Variants in GBF1 observed in about 807,000 individuals in gnomAD.
GBF1 encodes Golgi-specific brefeldin A-resistance guanine nucleotide exchange factor 1.
A neutral mutation model predicts 210.5 loss-of-function variants in GBF1; 114 were observed. The ratio of observed to expected loss-of-function variants is 0.54; its 90% CI spans 0.47 to 0.63. The LOEUF (loss-of-function observed/expected upper bound fraction) is 0.63. Ranked by LOEUF, GBF1 falls within the 30% of genes least tolerant of loss-of-function variation. GBF1 has a pLI of 0.00. For missense variants in GBF1, 1,851 were observed against 2,357.7 expected (o/e 0.79, Z 4.45); for synonymous variants, 850 against 889.2 (o/e 0.96, Z 0.78).
At chr10:102,338,745 G>C (rs56247403) in intron 3 of GBF1, among the ~76,000 whole-genome samples, 1 of 151,796 alleles carries the variant, frequency 6.6e-6, no homozygotes, top group South Asian at 2.1e-4. Flanking sequence ...TTGGGAGTTT[G>C]AGACCAGCCT....
chr10:102,282,811 A>G (rs1210261819), intron 3 of GBF1, among the ~76,000 whole-genome samples: 1 of 152,198 alleles, frequency 6.6e-6, no homozygotes, highest in Non-Finnish European at 1.5e-5. Context: ...TTTAAATTCC[A>G]GTCTCTAATT....
the GBF1 span, chr10:102,231,010 C>T: frequency 1.3e-6 from 2 of 1,597,456 alleles, no homozygotes; most frequent in South Asian, 2.2e-5. Context: ...CACCAGCCCC[C>T]CGAGCGGCGC....
intron 3 of GBF1, among the ~76,000 whole-genome samples, chr10:102,331,680 TTTG>T (rs1479317433): frequency 2.0e-5 from 3 of 151,742 alleles, no homozygotes; most frequent in Non-Finnish European, 4.4e-5. Context: ...AGGGTTTGTT[TTTG>T]TTGTTGTTGT....
At chr10:102,373,771 C>T (rs2060341380) in intron 29 of GBF1, among the ~76,000 whole-genome samples, 1 of 152,100 alleles carries the variant, frequency 6.6e-6, no homozygotes, top group Admixed American at 6.6e-5. Flanking sequence ...GCAATTGCAC[C>T]CTTGGACATT....
intron 3 of GBF1, among the ~76,000 whole-genome samples, chr10:102,316,899 C>T (rs2078982259): frequency 6.6e-6 from 1 of 152,096 alleles, no homozygotes; most frequent in Admixed American, 6.5e-5. Context: ...TGCAGGAAGG[C>T]CAGTATTGTT....
chr10:102,230,694 G>A, the GBF1 span: 18 of 1,564,180 alleles, frequency 1.2e-5, no homozygotes, highest in South Asian at 2.1e-4. Flanking sequence ...CGGCGGCGGC[G>A]GCGGCCGAGG....
chr10:102,282,909 A>T (rs1157021217), intron 3 of GBF1, among the ~76,000 whole-genome samples: 1 of 152,204 alleles, frequency 6.6e-6, no homozygotes, highest in African/African-American at 2.4e-5. Flanking sequence ...ATTCAATAAG[A>T]CATGGCACTT....
upstream of GBF1, among the ~76,000 whole-genome samples, chr10:102,241,131 C>T (rs1008501727): frequency 2.0e-5 from 3 of 152,202 alleles, no homozygotes; most frequent in East Asian, 3.9e-4. This position sits in a 1 kb window ranked among gnomAD's most constrained non-coding sequence, Gnocchi z 6.7. Flanking sequence ...CTGAGTCTCC[C>T]CCTTCCCTAT....
At position 102,288,438 on chromosome 10, in the gene GBF1, G is replaced by A. The variant is rs111405952; in HGVS notation, c.163+28322G>A. ...TTTAAAAACGAAATTACGGCCGGGCGCGGTGGCTCACGCCTGTAATCCCAG... is the reference window on the plus strand; with the variant it reads ...TTTAAAAACGAAATTACGGCCGGGCACGGTGGCTCACGCCTGTAATCCCAG... On this transcript the variant is annotated intron_variant, in intron 3 of 39. Transcript: ENST00000369983. Among the ~76,000 whole-genome samples the A allele has an allele frequency of 6.3e-3, 956 of 152,264 alleles. 10 individuals carry two copies. Among genetic ancestry groups the A allele is most frequent in the African/African-American group, 0.021 (887 of 41,560 alleles).
At chr10:102,255,131 C>T (rs2072158116) in intron 1 of GBF1, among the ~76,000 whole-genome samples, 1 of 152,082 alleles carries the variant, frequency 6.6e-6, no homozygotes. Context: ...ACCTCCACCT[C>T]CTGGGTTCAA....
chr10:102,300,719 T>A (rs2077265864), intron 3 of GBF1, among the ~76,000 whole-genome samples: 1 of 152,192 alleles, frequency 6.6e-6, no homozygotes, highest in Non-Finnish European at 1.5e-5. Context: ...CTAATTTCTT[T>A]ACAACAGTGA....
chr10:102,307,051 A>G (rs1176625494), intron 3 of GBF1, among the ~76,000 whole-genome samples: 5 of 152,230 alleles, frequency 3.3e-5, no homozygotes, highest in African/African-American at 1.2e-4. Context: ...ATTAAGCTGT[A>G]AATTATTTGA....
chr10:102,357,289 C>T (rs2134947131), intron 8 of GBF1, among the ~76,000 whole-genome samples: 1 of 152,176 alleles, frequency 6.6e-6, no homozygotes, highest in South Asian at 2.1e-4. Context: ...GAGTTAGAGA[C>T]TAGCCTGGCC....
At chr10:102,359,469 C>T in intron 11 of GBF1, 34 bp downstream of exon 11, 1 of 1,532,174 alleles carries the variant, frequency 6.5e-7, no homozygotes, top group Non-Finnish European at 9.0e-7. Context: ...CAATTCACCT[C>T]CCCCATCCTA....
intron 12 of GBF1, among the ~76,000 whole-genome samples, 194 bp downstream of exon 12, chr10:102,360,589 G>T (rs1201932587): frequency 6.6e-6 from 1 of 152,204 alleles, no homozygotes; most frequent in Non-Finnish European, 1.5e-5. Context: ...GGAATGGCTA[G>T]ATGTAGAGTT....
intron 3 of GBF1, among the ~76,000 whole-genome samples, chr10:102,272,001 C>T (rs1472398379): frequency 6.6e-6 from 1 of 152,152 alleles, no homozygotes; most frequent in Non-Finnish European, 1.5e-5. Flanking sequence ...GATCCACCCA[C>T]CTCAGCCTAC....
rs1333278380 is a variant in GBF1 at position 102,361,014 on chromosome 10, A to C, written c.1393-8A>C. The C allele has an allele frequency of 3.4e-6, 5 of 1,460,540 alleles. No individual in the cohort carries two copies. The Admixed American group carries it at 5.0e-5, about 15-fold the overall frequency. 90.5% of individuals were successfully genotyped at this position (1,460,540 alleles called of 1,614,324 possible). On this transcript the variant is annotated splice_region_variant and splice_polypyrimidine_tract_variant and intron_variant, in intron 12 of 39. Coordinates refer to ENST00000369983, the MANE Select transcript of GBF1 (RefSeq NM_001377137.1). ...AAAACTCATGGCCTACCCTGCTCTC[A>C]TCTCCAGCTACTCAGCATAGAGCGA... is the stretch of plus-strand genomic sequence containing the variant.
rs1296767572 is a variant in GBF1 at position 102,366,241 on chromosome 10, A to G, written c.2310-142A>G. 1 of 765,348 alleles carries G rather than the reference A, an allele frequency of 1.3e-6. No homozygotes were observed. The highest frequency in any genetic ancestry group is 2.5e-5 in the East Asian group (1 of 39,384). The allele number at this position is 765,348 out of a possible 1,614,324, so 47.4% of individuals were successfully genotyped here. ...ATTAAGGCTAGGGGTTGTGTTAGGG[A>G]TGAACAGGAGATACTGCCCCTTTAC... is the stretch of plus-strand genomic sequence containing the variant. On this transcript the variant is annotated intron_variant, in intron 18 of 39. Transcript: ENST00000369983. This position sits in a 1 kb window ranked among gnomAD's most constrained non-coding sequence, Gnocchi z 4.0.
intron 3 of GBF1, among the ~76,000 whole-genome samples, chr10:102,321,710 C>G (rs2056415413): frequency 6.6e-6 from 1 of 152,146 alleles, no homozygotes; most frequent in Admixed American, 6.5e-5. Flanking sequence ...GCTGGGACCA[C>G]AGGTGTGTGC....
Sources: gnomAD v4.1 joint callset for allele counts (sites outside exome capture counted in the v4.1 genomes callset) on GRCh38, gnomAD v4.1.1 for gene constraint, Gnocchi (gnomAD v3.1) non-coding constraint, MANE v1.5 for transcripts, NCBI Gene and HGNC (gene_info 2026-07-23, HGNC 2026-07-21) for gene names.